Variants in SLC2A14 observed in about 807,000 individuals in gnomAD.
SLC2A14 encodes solute carrier family 2 member 14, also known as solute carrier family 2, facilitated glucose transporter member 14.
SLC2A14 carries 13 observed loss-of-function variants against 43.0 expected under a neutral mutation model. The ratio of observed to expected loss-of-function variants is 0.30; its 90% CI spans 0.20 to 0.48. The LOEUF (loss-of-function observed/expected upper bound fraction) is 0.48, where lower values mean the gene tolerates loss of function less well. Among genes scored for constraint, SLC2A14 ranks in the 20% least tolerant of loss-of-function variants. The pLI is 0.99. For synonymous variants in SLC2A14, 190 were observed against 233.8 expected, an observed-to-expected ratio of 0.81 and a Z score of 1.71; for missense variants, 428 against 620.4, an observed-to-expected ratio of 0.69 and a Z score of 3.29.
chr12:7,830,639 G>A (rs1209998452), intron 4 of SLC2A14, among the ~76,000 whole-genome samples: 3 of 151,210 alleles, frequency 2.0e-5, no homozygotes, highest in African/African-American at 7.3e-5. Flanking sequence ...CTGCTTCTTG[G>A]GCAGAGGGAG....
At chr12:7,870,735 C>A in intron 1 of SLC2A14, 1 of 516,676 alleles carries the variant, frequency 1.9e-6, no homozygotes, top group Non-Finnish European at 2.6e-6. Context: ...AAAGTCAAAC[C>A]AAAAAAAACC....
intron 7 of SLC2A14, among the ~76,000 whole-genome samples, chr12:7,821,825 C>CT (rs71038774): frequency 0.024 from 3,040 of 127,204 alleles, 128 homozygotes; most frequent in East Asian, 0.14. Flanking sequence ...GTATTTCTTT[C>CT]TTTTTTTTTT....
At chr12:7,865,718 G>A (rs1470035720) in intron 2 of SLC2A14, among the ~76,000 whole-genome samples, 4 of 151,810 alleles carry the variant, frequency 2.6e-5, no homozygotes, top group Admixed American at 6.6e-5. Context: ...AACCCTAAAT[G>A]GCATCTAAGA....
intron 2 of SLC2A14, among the ~76,000 whole-genome samples, chr12:7,850,092 G>T (rs938281287): frequency 2.6e-5 from 4 of 151,294 alleles, no homozygotes; most frequent in Admixed American, 6.6e-5. Context: ...ACCCAGAAAG[G>T]CTTCTTGAAG....
At chr12:7,874,841 G>T (rs185695918), upstream of SLC2A14, among the ~76,000 whole-genome samples, 1 of 68,640 alleles carries the variant, frequency 1.5e-5, no homozygotes, top group Non-Finnish European at 2.8e-5. Context: ...ATATAAATAC[G>T]TATTTATATA....
At chr12:7,873,396 C>G, upstream of SLC2A14, 1 of 980,400 alleles carries the variant, frequency 1.0e-6, no homozygotes, top group Non-Finnish European at 1.2e-6. Flanking sequence ...AATCCTAGCA[C>G]TTTTGGAGGC....
intron 2 of SLC2A14, among the ~76,000 whole-genome samples, chr12:7,851,312 C>A (rs1343319673): frequency 6.6e-6 from 1 of 152,118 alleles, no homozygotes; most frequent in African/African-American, 2.4e-5. Flanking sequence ...ACAAATACTT[C>A]CTGACCAATG....
chr12:7,857,252 AAAAC>A (rs896544954), intron 2 of SLC2A14, among the ~76,000 whole-genome samples: 5 of 151,460 alleles, frequency 3.3e-5, no homozygotes, highest in Non-Finnish European at 5.9e-5. Context: ...TCCGTCTCAA[AAAAC>A]AAACAAACAA....
chr12:7,873,070 C>T, upstream of SLC2A14: 1 of 985,484 alleles, frequency 1.0e-6, no homozygotes, highest in South Asian at 4.7e-5. Flanking sequence ...CGGCCCCTCC[C>T]GGCTTCTCAC....
chr12:7,845,240 A>G (rs1394889082), intron 2 of SLC2A14, among the ~76,000 whole-genome samples: 1 of 152,154 alleles, frequency 6.6e-6, no homozygotes, highest in East Asian at 1.9e-4. Context: ...AAACAAAGAA[A>G]GGGGTCAATG....
At chr12:7,877,165 T>C (rs888112596), upstream of SLC2A14, among the ~76,000 whole-genome samples, 5 of 152,024 alleles carry the variant, frequency 3.3e-5, no homozygotes, top group Non-Finnish European at 7.4e-5. Flanking sequence ...ACTCGGCTAA[T>C]TTTTGTATTT....
At chr12:7,868,480 G>C (rs988209181) in intron 2 of SLC2A14, among the ~76,000 whole-genome samples, 1 of 151,910 alleles carries the variant, frequency 6.6e-6, no homozygotes, top group Non-Finnish European at 1.5e-5. Context: ...AATCCTCCCC[G>C]TCCATTCCAC....
intron 10 of SLC2A14, among the ~76,000 whole-genome samples, chr12:7,815,247 C>A (rs959871263): frequency 6.6e-5 from 10 of 150,872 alleles, no homozygotes; most frequent in African/African-American, 2.4e-4. Flanking sequence ...CCCGTCTCTA[C>A]TAAAAATACA....
chr12:7,827,770 C>A, intron 6 of SLC2A14, 88 bp from the exon 7 acceptor site: 1 of 1,510,756 alleles, frequency 6.6e-7, no homozygotes, highest in Non-Finnish European at 8.9e-7. Context: ...AAGGGCCGCA[C>A]GAGGTGAGGT....
chr12:7,846,999 T>TC (rs1866526282), intron 2 of SLC2A14, among the ~76,000 whole-genome samples: 1 of 149,158 alleles, frequency 6.7e-6, no homozygotes, highest in African/African-American at 2.5e-5. Context: ...ACACCTGTAA[T>TC]CCCAGCACTT....
At chr12:7,851,171 T>A (rs193134552) in intron 2 of SLC2A14, among the ~76,000 whole-genome samples, 27 of 152,090 alleles carry the variant, frequency 1.8e-4, no homozygotes, top group African/African-American at 6.5e-4. Flanking sequence ...CGCTACAGAC[T>A]GTGCTGAAAA....
chr12:7,871,149 C>G, intron 1 of SLC2A14: 3 of 1,303,880 alleles, frequency 2.3e-6, no homozygotes, highest in Non-Finnish European at 3.0e-6. Context: ...ATGGAACAGA[C>G]CCCCAGGATG....
chr12:7,869,323 G>T (rs538304362), intron 2 of SLC2A14, among the ~76,000 whole-genome samples: 2 of 152,058 alleles, frequency 1.3e-5, no homozygotes, highest in Non-Finnish European at 2.9e-5. Flanking sequence ...TAGGCATTAC[G>T]TAACTTAACC....
At chr12:7,854,183 C>T (rs1414637956) in intron 2 of SLC2A14, among the ~76,000 whole-genome samples, 1 of 152,070 alleles carries the variant, frequency 6.6e-6, no homozygotes, top group Non-Finnish European at 1.5e-5. Flanking sequence ...AGGAGAAGTC[C>T]TGTTTATCTT....
Sources: gnomAD v4.1 joint callset for allele counts (sites outside exome capture counted in the v4.1 genomes callset) on GRCh38, gnomAD v4.1.1 for gene constraint, MANE v1.5 for transcripts, NCBI Gene and HGNC (gene_info 2026-07-23, HGNC 2026-07-21) for gene names.